The following CLEC7A variants were observed in gnomAD, a reference collection of about 807,000 sequenced individuals.
The protein encoded by CLEC7A is C-type lectin domain containing 7A.
CLEC7A carries 25 observed loss-of-function variants against 26.9 expected under a neutral mutation model. The observed-to-expected ratio is 0.93, with a 90% CI of 0.68 to 1.30. The LOEUF (loss-of-function observed/expected upper bound fraction) is 1.30. CLEC7A is among the 50% of genes most tolerant of loss of function. The pLI, the probability that CLEC7A is intolerant of heterozygous loss-of-function variation, is 0.00. For missense variants in CLEC7A, 275 were observed against 286.7 expected (o/e 0.96, Z 0.29); for synonymous variants, 100 against 99.5 (o/e 1.01, Z -0.03).
Position 10,119,854 on chromosome 12 carries a change from CAG to C in CLEC7A, c.612-1266_612-1265del, listed in dbSNP as rs570834284. Among the ~76,000 whole-genome samples, 165 of 146,700 alleles carry C rather than the reference CAG, an allele frequency of 1.1e-3. 1 individual carries two copies. The highest frequency in any genetic ancestry group is 2.0e-3 in the Non-Finnish European group (136 of 66,798). On this transcript the variant is annotated intron_variant, in intron 5 of 5. Coordinates refer to ENST00000304084, the MANE Select transcript of CLEC7A (RefSeq NM_197947.3). ...GAAAAATAGTAAAAAAAAAAACAAA[CAG>C]AAACAGATACATATAGAAAATTGGA...
At chr12:10,123,640 G>A (rs10743869) in intron 4 of CLEC7A, among the ~76,000 whole-genome samples, 139,212 of 139,560 alleles carry the variant, frequency 1, 69,463 homozygotes, top group Middle Eastern at 1. Flanking sequence ...GGGCGCCTGT[G>A]GTCCCAGCTA....
chr12:10,121,840 C>A lies in CLEC7A; in HGVS notation c.611+1405G>T, dbSNP rs369203201. Reference sequence around the variant, plus strand: ...TGGCTAACACGGTGAAACCCCGTCTCTACTAAATATACAAAAAATTAGCCG... The same window carrying A: ...TGGCTAACACGGTGAAACCCCGTCTATACTAAATATACAAAAAATTAGCCG... On this transcript the variant is annotated intron_variant, in intron 5 of 5. Transcript: ENST00000304084. 5.9e-5 allele frequency among the ~76,000 whole-genome samples: 9 copies of A among 152,174 alleles called. No individual in the cohort carries two copies. The East Asian group carries it at 9.7e-4, about 16-fold the overall frequency.
Position 10,120,662 on chromosome 12 carries a change from A to T in CLEC7A, c.612-2072T>A, listed in dbSNP as rs532476239. 1.5e-3 allele frequency among the ~76,000 whole-genome samples: 234 copies of T among 151,510 alleles called. 3 individuals are homozygous for T. The East Asian group carries it at 0.035, about 23-fold the overall frequency. On this transcript the variant is annotated intron_variant, in intron 5 of 5. Coordinates refer to ENST00000304084, the MANE Select transcript of CLEC7A (RefSeq NM_197947.3). ...AGGCTGGTATCGAACTCCAGAGATC[A>T]AGTGATCCGCCTGCCTCGGCCTCCC...
At chr12:10,122,916 C>G (rs1948140441) in intron 5 of CLEC7A, among the ~76,000 whole-genome samples, 1 of 152,116 alleles carries the variant, frequency 6.6e-6, no homozygotes. Context: ...GCTTCAAAAC[C>G]CATGCTCTTA....
chr12:10,125,125 G>A (rs773757098), intron 4 of CLEC7A, 172 bp downstream of exon 4: 2 of 695,506 alleles, frequency 2.9e-6, no homozygotes, highest in Non-Finnish European at 5.1e-6. Context: ...ACTTGAGCCT[G>A]GGATGTCGCG....
rs961507543 is a variant in CLEC7A, at chr12:10,128,153, A to G, written c.104-308T>C. Among the ~76,000 whole-genome samples the G allele has an allele frequency of 1.7e-4, 26 of 151,362 alleles. 1 individual carries two copies. Among genetic ancestry groups the G allele is most frequent in the African/African-American group, 5.8e-4 (24 of 41,242 alleles). On this transcript the variant is annotated intron_variant, in intron 1 of 5. Transcript: ENST00000304084. Reference sequence around the variant, plus strand: ...CTCTGGAGGCTGTGGCAGGAGGATCACTTGAGCCTAGGAATTCCAGAGCAG... The same window carrying G: ...CTCTGGAGGCTGTGGCAGGAGGATCGCTTGAGCCTAGGAATTCCAGAGCAG...
At chr12:10,127,915 A>G in intron 1 of CLEC7A, 70 bp from the exon 2 acceptor site, 1 of 1,091,704 alleles carries the variant, frequency 9.2e-7, no homozygotes, top group South Asian at 1.6e-5. Context: ...GTTTAATTCT[A>G]CAGTTCATCA....
intron 4 of CLEC7A, among the ~76,000 whole-genome samples, chr12:10,123,863 A>G (rs1183125683): frequency 1.3e-5 from 2 of 151,816 alleles, no homozygotes; most frequent in Non-Finnish European, 2.9e-5. Flanking sequence ...GGCCTATCTT[A>G]TTTATTTAAA....
chr12:10,127,305 G>A lies in CLEC7A; in HGVS notation c.202+442C>T, dbSNP rs1948322729. ...ATCGGAAATAATTTCCTTAAATAAT[G>A]TGAATCATAAAAATAGCTTAATGTC... is the stretch of plus-strand genomic sequence containing the variant. On this transcript the variant is annotated intron_variant, in intron 2 of 5. Coordinates refer to ENST00000304084, the MANE Select transcript of CLEC7A (RefSeq NM_197947.3). 2.7e-6 allele frequency: 4 copies of A among 1,505,830 alleles called. No homozygotes were observed. The Admixed American group carries it at 6.1e-5, about 23-fold the overall frequency. The allele number at this position is 1,505,830 out of a possible 1,614,324, so 93.3% of individuals were successfully genotyped here.
At chr12:10,129,779 G>A (rs993958089) in intron 1 of CLEC7A, among the ~76,000 whole-genome samples, 2 of 151,816 alleles carry the variant, frequency 1.3e-5, no homozygotes, top group East Asian at 1.9e-4. Context: ...CACCATGCCC[G>A]GCTAATTTTT....
At chr12:10,127,090 C>T (rs868821969) in intron 2 of CLEC7A, 20 of 1,366,532 alleles carry the variant, frequency 1.5e-5, no homozygotes, top group Non-Finnish European at 1.9e-5. Context: ...TGCCCAGTAC[C>T]TATAACATAG....
At chr12:10,125,137 C>T (rs1565406144) in intron 4 of CLEC7A, 160 bp downstream of exon 4, 1 of 735,966 alleles carries the variant, frequency 1.4e-6, no homozygotes, top group Non-Finnish European at 2.3e-6. Context: ...GATGTCGCGG[C>T]TTCACTGCAC....
chr12:10,118,057 G>A lies in CLEC7A; in HGVS notation c.*401C>T. ...TCTCTACAAAAAACACCAAAAATTA[G>A]CCTGGCATGGTGGCATGCACCTGTA... On this transcript the variant is annotated 3_prime_UTR_variant, in exon 6 of 6. Coordinates refer to ENST00000304084, the MANE Select transcript of CLEC7A (RefSeq NM_197947.3). 5.9e-6 allele frequency: 1 copy of A among 169,106 alleles called. No individual in the cohort carries two copies. Among genetic ancestry groups the A allele is most frequent in the Non-Finnish European group, 1.3e-5 (1 of 79,416 alleles). 10.5% of individuals were successfully genotyped at this position (169,106 alleles called of 1,614,324 possible). A position where few individuals can be genotyped will look rare whatever the true frequency, so the allele number is the denominator to read the frequency against.
chr12:10,127,956 T>A, intron 1 of CLEC7A, 111 bp from the exon 2 acceptor site: 1 of 707,500 alleles, frequency 1.4e-6, no homozygotes, highest in Non-Finnish European at 2.4e-6. Context: ...GGCTCACACC[T>A]GTAATCCCAG....
At position 10,120,659 on chromosome 12, in the gene CLEC7A, A is replaced by C. The variant is rs563546568; in HGVS notation, c.612-2069T>G. Among the ~76,000 whole-genome samples the C allele has an allele frequency of 1.6e-3, 234 of 150,948 alleles. 3 individuals are homozygous for C. The East Asian group carries it at 0.035, about 22-fold the overall frequency. On this transcript the variant is annotated intron_variant, in intron 5 of 5. Coordinates refer to ENST00000304084, the MANE Select transcript of CLEC7A (RefSeq NM_197947.3). ...GCCAGGCTGGTATCGAACTCCAGAG[A>C]TCAAGTGATCCGCCTGCCTCGGCCT...
intron 3 of CLEC7A, 36 bp downstream of exon 3, chr12:10,126,535 T>C (rs757427447): frequency 8.9e-6 from 14 of 1,579,606 alleles, no homozygotes; most frequent in South Asian, 1.2e-5. Context: ...ATTAACCCTC[T>C]TGAGTCAAGA....
chr12:10,118,837 A>G (rs1249992682), intron 5 of CLEC7A, among the ~76,000 whole-genome samples: 2 of 152,188 alleles, frequency 1.3e-5, no homozygotes, highest in African/African-American at 4.8e-5. Context: ...AACTAAAAAA[A>G]AAGTTCCTGA....
chr12:10,126,170 C>T (rs939529647), intron 3 of CLEC7A: 5 of 984,300 alleles, frequency 5.1e-6, no homozygotes, highest in Non-Finnish European at 6.0e-6. Context: ...TTTCCTTTCT[C>T]CCTGTCATTC....
intron 1 of CLEC7A, among the ~76,000 whole-genome samples, chr12:10,128,868 C>T (rs765335353): frequency 3.3e-5 from 5 of 152,110 alleles, no homozygotes; most frequent in Non-Finnish European, 7.4e-5. Flanking sequence ...GTGTGAATAA[C>T]CAGAAAGCAG....
Sources: gnomAD v4.1 joint callset for allele counts (sites outside exome capture counted in the v4.1 genomes callset) on GRCh38, gnomAD v4.1.1 for gene constraint, MANE v1.5 for transcripts, NCBI Gene and HGNC (gene_info 2026-07-23, HGNC 2026-07-21) for gene names.